Variants in ABI3BP observed in about 807,000 individuals in gnomAD.
The protein encoded by ABI3BP is ABI family member 3 binding protein.
Under a neutral mutation model 268.6 loss-of-function variants are expected in ABI3BP, and 216 were observed. The observed-to-expected ratio is 0.80, with a 90% confidence interval of 0.72 to 0.90. ABI3BP has a LOEUF of 0.90. Among genes scored for constraint, ABI3BP ranks in the 40% least tolerant of loss-of-function variants. ABI3BP has a pLI of 0.00. For missense variants in ABI3BP, 2,090 were observed against 2,182.4 expected (o/e 0.96, Z 0.84); for synonymous variants, 730 against 730.0 (o/e 1.00, Z 0.00).
intron 1 of ABI3BP, among the ~76,000 whole-genome samples, chr3:100,978,435 A>T (rs1390516431): frequency 6.6e-6 from 1 of 152,210 alleles, no homozygotes. Flanking sequence ...AATATTAGGC[A>T]TTAACTTTAA....
chr3:100,971,918 G>A (rs1247403056), intron 1 of ABI3BP, among the ~76,000 whole-genome samples: 2 of 152,122 alleles, frequency 1.3e-5, no homozygotes, highest in African/African-American at 4.8e-5. Context: ...GAGGATTCTT[G>A]CCAGTCCAAT....
chr3:100,839,853 C>T (rs570123169), intron 23 of ABI3BP, among the ~76,000 whole-genome samples: 14 of 152,226 alleles, frequency 9.2e-5, no homozygotes, highest in African/African-American at 3.4e-4. Context: ...AATGGGCCAG[C>T]TTTCTGCTGT....
chr3:100,763,613 G>A, intron 63 of ABI3BP, among the ~76,000 whole-genome samples: 1 of 152,132 alleles, frequency 6.6e-6, no homozygotes, highest in Non-Finnish European at 1.5e-5. Context: ...ATGAGGGTGG[G>A]ATAAAGAGGG....
At chr3:100,949,584 G>A (rs1171829047) in intron 1 of ABI3BP, among the ~76,000 whole-genome samples, 3 of 152,082 alleles carry the variant, frequency 2.0e-5, no homozygotes, top group African/African-American at 7.2e-5. Flanking sequence ...AATTTATTTT[G>A]GTGAAATTTG....
intron 59 of ABI3BP, among the ~76,000 whole-genome samples, chr3:100,777,880 G>C (rs961757553): frequency 6.6e-6 from 1 of 152,220 alleles, no homozygotes; most frequent in African/African-American, 2.4e-5. Context: ...TGTTGGATAG[G>C]AGAGCTTTCA....
rs535778179 is a variant in ABI3BP at position 100,800,678 on chromosome 3, ACCATGTTAG to A, written c.3757+4105_3757+4113del. ...ATGTTTTAAGTAGAGACGGGGTTTC[ACCATGTTAG>A]CCAGAATGGTCTTGTTCTCCTGACC... On this transcript the variant is annotated intron_variant, in intron 51 of 67. Transcript: ENST00000471714. Among the ~76,000 whole-genome samples, 67 of 152,220 alleles carry A rather than the reference ACCATGTTAG, an allele frequency of 4.4e-4. No homozygotes were observed. In the East Asian group the frequency reaches 0.012, roughly 28 times the overall value.
intron 1 of ABI3BP, among the ~76,000 whole-genome samples, chr3:100,968,551 C>T (rs1187388299): frequency 1.3e-5 from 2 of 152,114 alleles, no homozygotes; most frequent in Non-Finnish European, 1.5e-5. Context: ...AGTGTGTGGT[C>T]AAGTTGAAAT....
At chr3:100,951,065 A>G (rs960192477) in intron 1 of ABI3BP, among the ~76,000 whole-genome samples, 9 of 151,968 alleles carry the variant, frequency 5.9e-5, no homozygotes, top group Admixed American at 1.3e-4. Flanking sequence ...TTCCCACACC[A>G]GCATTAGAAT....
Position 100,862,885 on chromosome 3 carries a change from G to A in ABI3BP, c.1163C>T (p.Pro388Leu), listed in dbSNP as rs536054031. The change falls in exon 13 of 68, where the codon CCT (proline) becomes CTT (leucine). Residue 388 changes from proline (P) to leucine (L), a missense_variant. Coordinates refer to ENST00000471714, the MANE Select transcript of ABI3BP (RefSeq NM_001375547.2). Reference sequence around the variant, plus strand: ...AAAAGGGAAGGGTGTTTTTGCCTCAGGAAATTCTGGAAGGCTTTTTGGAGC... The same window carrying A: ...AAAAGGGAAGGGTGTTTTTGCCTCAAGAAATTCTGGAAGGCTTTTTGGAGC... The part of the protein sequence containing the change: ...TLAPKSLPEF[P>L]EAKTPFPFEK... The A allele has an allele frequency of 4.2e-5, 64 of 1,535,686 alleles. No individual in the cohort carries two copies. The South Asian group carries it at 6.3e-4, about 15-fold the overall frequency.
At chr3:100,901,572 T>C (rs2050353429) in intron 3 of ABI3BP, among the ~76,000 whole-genome samples, 1 of 152,090 alleles carries the variant, frequency 6.6e-6, no homozygotes, top group Non-Finnish European at 1.5e-5. Context: ...GAGACTGTCC[T>C]GGCTAACACG....
At chr3:100,828,332 G>A (rs2098424985) in intron 34 of ABI3BP, 61 bp downstream of exon 34, 1 of 1,432,072 alleles carries the variant, frequency 7.0e-7, no homozygotes, top group Non-Finnish European at 9.5e-7. Flanking sequence ...GCAATATACA[G>A]TGGAATAAGC....
At chr3:100,791,709 G>A (rs1388946435) in intron 55 of ABI3BP, among the ~76,000 whole-genome samples, 3 of 151,742 alleles carry the variant, frequency 2.0e-5, no homozygotes, top group African/African-American at 4.8e-5. Flanking sequence ...AGTTTAAAAC[G>A]TAACAAAAAG....
chr3:100,792,248 CT>C (rs910790206), intron 55 of ABI3BP, among the ~76,000 whole-genome samples: 5 of 151,620 alleles, frequency 3.3e-5, no homozygotes, highest in African/African-American at 1.2e-4. Context: ...TTTTTAATAG[CT>C]TTTTTCTTAT....
At chr3:100,879,669 G>A (rs1285576821) in intron 6 of ABI3BP, among the ~76,000 whole-genome samples, 1 of 152,152 alleles carries the variant, frequency 6.6e-6, no homozygotes, top group Non-Finnish European at 1.5e-5. Context: ...ACAGACCAGT[G>A]TCCAGTTAAA....
At position 100,876,522 on chromosome 3, in the gene ABI3BP, G is replaced by T; in HGVS notation, c.735C>A (p.Ile245=). The T allele has an allele frequency of 6.2e-7, 1 of 1,613,110 alleles. No individual in the cohort carries two copies. The highest frequency in any genetic ancestry group is 8.5e-7 in the Non-Finnish European group (1 of 1,179,354). The change falls in exon 7 of 68, where the codon ATC becomes ATA. Residue 245 remains isoleucine (I), a synonymous_variant. Coordinates refer to ENST00000471714, the MANE Select transcript of ABI3BP (RefSeq NM_001375547.2). ...GAGCAGACAAATTACCTTGCTTGAT[G>T]ATTGTTATTGGGATTAGTTTCCTTG... ...YVPRKLIPIT[I]IKQVIQNVTH... is the part of the protein sequence containing the mutation.
intron 2 of ABI3BP, among the ~76,000 whole-genome samples, chr3:100,913,501 T>A (rs1039200361): frequency 2.0e-4 from 30 of 152,200 alleles, no homozygotes; most frequent in African/African-American, 6.5e-4. Context: ...ACACTGATGG[T>A]TATTTTTCTA....
intron 4 of ABI3BP, among the ~76,000 whole-genome samples, chr3:100,893,487 A>G (rs976346732): frequency 6.6e-6 from 1 of 152,324 alleles, no homozygotes; most frequent in East Asian, 1.9e-4. Context: ...TGTCAAAGAA[A>G]GAAAGAGTTT....
chr3:100,841,197 T>C (rs1430714745), intron 21 of ABI3BP, among the ~76,000 whole-genome samples: 1 of 68,154 alleles, frequency 1.5e-5, no homozygotes, highest in South Asian at 4.9e-4. Flanking sequence ...TAGAACACTT[T>C]TTTTTTTTTT....
In ABI3BP at chr3:100,830,617, C is replaced by T. The variant is rs920146587; in HGVS notation, c.2419G>A (p.Glu807Lys). The change falls in exon 32 of 68, where the codon GAA becomes AAA. Residue 807 changes from glutamate to lysine, a missense_variant. By Grantham distance (56) the Glu-to-Lys change is moderately conservative (BLOSUM62 1). Transcript: ENST00000471714. ...GAAGCCTCAGTTCTAAGAACTGGTT[C>T]GAGGATTGTGGCAGGAACTGATCAA... ...QTKLVPATIL[E>K]PVLRTEASGT... 19 of 1,532,136 alleles carry T rather than the reference C, an allele frequency of 1.2e-5. No homozygotes were observed. Among genetic ancestry groups the T allele is most frequent in the East Asian group, 2.4e-5 (1 of 40,868 alleles). 94.9% of individuals were successfully genotyped at this position (1,532,136 alleles called of 1,614,324 possible). A position where few individuals can be genotyped will look rare whatever the true frequency, so the allele number is the denominator to read the frequency against.
Sources: gnomAD v4.1 joint callset for allele counts (sites outside exome capture counted in the v4.1 genomes callset) on GRCh38, gnomAD v4.1.1 for gene constraint, MANE v1.5 for transcripts, NCBI Gene and HGNC (gene_info 2026-07-23, HGNC 2026-07-21) for gene names.